RUNX1T1: variants seen among roughly 807,000 people sequenced by gnomAD.
RUNX1T1 encodes RUNX1 partner transcriptional co-repressor 1, also known as protein CBFA2T1.
RUNX1T1 carries 4 observed loss-of-function variants against 62.8 expected under a neutral mutation model. The ratio of observed to expected loss-of-function variants is 0.06; its 90% CI spans 0.03 to 0.15. RUNX1T1 has a LOEUF of 0.15. Ranked by LOEUF, RUNX1T1 falls within the 10% of genes least tolerant of loss-of-function variation. RUNX1T1 has a pLI of 1.00. For missense variants in RUNX1T1, 508 were observed against 754.3 expected (o/e 0.67, Z 3.82); for synonymous variants, 291 against 286.0 (o/e 1.02, Z -0.18).
intron 9 of RUNX1T1, among the ~76,000 whole-genome samples, chr8:91,973,039 T>C (rs1262673249): frequency 6.6e-6 from 1 of 151,988 alleles, no homozygotes; most frequent in Non-Finnish European, 1.5e-5. Flanking sequence ...TGTGTTGTTA[T>C]GTTATTATAT....
At chr8:91,960,272 G>T (rs1205018751) in exon 11 of RUNX1T1, 1 of 1,609,644 alleles carries the variant, frequency 6.2e-7, no homozygotes, top group East Asian at 2.2e-5. Context: ...TGGTGGAAGG[G>T]GTTCCCGGGG....
chr8:91,961,680 G>A (rs962663864), intron 10 of RUNX1T1, among the ~76,000 whole-genome samples: 2 of 152,166 alleles, frequency 1.3e-5, no homozygotes, highest in African/African-American at 4.8e-5. Context: ...GGTGGGGAGG[G>A]GGACCTCACA....
chr8:91,986,995 A>G (rs775329153), intron 6 of RUNX1T1, 23 bp from the exon 8 acceptor site: 49 of 1,503,034 alleles, frequency 3.3e-5, no homozygotes, highest in Non-Finnish European at 4.4e-5. Context: ...AGAAGGCTGA[A>G]TAACCCTAAA....
chr8:91,962,140 G>C (rs925184862), intron 10 of RUNX1T1, among the ~76,000 whole-genome samples: 1 of 152,154 alleles, frequency 6.6e-6, no homozygotes, highest in Admixed American at 6.5e-5. Context: ...CCCAGAGGCT[G>C]GCATGTGCTG....
chr8:92,093,724 T>C (rs2130922409), intron 1 of RUNX1T1, among the ~76,000 whole-genome samples: 1 of 152,310 alleles, frequency 6.6e-6, no homozygotes, highest in Middle Eastern at 3.4e-3. Context: ...AAAGAATGAA[T>C]GTCACTCATG....
chr8:92,000,723 C>G (rs1372936454), intron 5 of RUNX1T1, among the ~76,000 whole-genome samples: 1 of 152,166 alleles, frequency 6.6e-6, no homozygotes, highest in Non-Finnish European at 1.5e-5. Context: ...TCAGCATTTT[C>G]TAACTGACTC....
intron 5 of RUNX1T1, among the ~76,000 whole-genome samples, chr8:92,002,802 A>G (rs1235414806): frequency 6.6e-6 from 1 of 152,174 alleles, no homozygotes; most frequent in African/African-American, 2.4e-5. Flanking sequence ...CTGCTGTCAG[A>G]CAGCTCCATA....
upstream of RUNX1T1, among the ~76,000 whole-genome samples, chr8:92,067,509 A>G (rs1479778912): frequency 6.6e-6 from 1 of 152,244 alleles, no homozygotes; most frequent in Non-Finnish European, 1.5e-5. Flanking sequence ...CAATGTTAAA[A>G]TATTTTAAAT....
intron 6 of RUNX1T1, among the ~76,000 whole-genome samples, chr8:91,990,681 C>A (rs753025878): frequency 7.3e-5 from 11 of 150,736 alleles, no homozygotes; most frequent in Non-Finnish European, 1.6e-4. Context: ...TCTTGCTCTG[C>A]CACCCAGGCT....
At chr8:91,973,304 C>A (rs1013480590) in intron 9 of RUNX1T1, among the ~76,000 whole-genome samples, 11 of 150,860 alleles carry the variant, frequency 7.3e-5, no homozygotes, top group Non-Finnish European at 1.5e-4. Context: ...AATACTAAAG[C>A]AAATATGATA....
downstream of RUNX1T1, chr8:91,955,423 T>A (rs933007200): frequency 8.8e-6 from 2 of 227,834 alleles, no homozygotes; most frequent in South Asian, 3.6e-4. Flanking sequence ...AAATTAAATA[T>A]CCAACCCTAA....
downstream of RUNX1T1, chr8:91,958,749 A>G (rs1426834212): frequency 6.5e-6 from 1 of 154,398 alleles, no homozygotes; most frequent in South Asian, 2.8e-4. Context: ...AAAAAAAAAC[A>G]AAAAGCATGC....
intron 1 of RUNX1T1, among the ~76,000 whole-genome samples, chr8:92,043,405 A>G (rs1369667148): frequency 6.6e-6 from 1 of 151,864 alleles, no homozygotes; most frequent in African/African-American, 2.4e-5. Flanking sequence ...ATACTAAGGA[A>G]GGAAAAAAAA....
chr8:91,970,745 G>A (rs1467798475), exon 10 of RUNX1T1: 2 of 1,613,774 alleles, frequency 1.2e-6, no homozygotes, highest in Non-Finnish European at 1.7e-6. Context: ...GCTCCATCTT[G>A]GCCCTCTCTG....
chr8:92,081,175 G>A (rs1324350286), intron 1 of RUNX1T1: 1 of 467,848 alleles, frequency 2.1e-6, no homozygotes, highest in Non-Finnish European at 2.8e-6. Context: ...TCCAAAGTAA[G>A]ATAATAACAC....
chr8:92,029,817 A>T (rs182219380), intron 1 of RUNX1T1, among the ~76,000 whole-genome samples: 220 of 151,456 alleles, frequency 1.5e-3, no homozygotes, highest in East Asian at 9.1e-3. Context: ...CATTTTTTTT[A>T]AAAAAAGCAT....
intron 8 of RUNX1T1, among the ~76,000 whole-genome samples, chr8:91,980,981 T>C (rs1199186776): frequency 3.9e-5 from 6 of 152,104 alleles, no homozygotes; most frequent in Admixed American, 2.0e-4. Context: ...AGCAGAAAGT[T>C]CTTTTTGAGA....
intron 1 of RUNX1T1, among the ~76,000 whole-genome samples, chr8:92,084,936 G>A (rs146793099): frequency 2.3e-3 from 357 of 152,328 alleles, no homozygotes; most frequent in Middle Eastern, 0.01. Context: ...CAGCCAAAGA[G>A]AGACTACTGG....
upstream of RUNX1T1, among the ~76,000 whole-genome samples, chr8:92,064,030 A>G: frequency 6.6e-6 from 1 of 152,166 alleles, no homozygotes; most frequent in East Asian, 1.9e-4. Flanking sequence ...CCCTTGTCAG[A>G]TGGATTTCCA....
Sources: allele counts gnomAD v4.1 joint callset (sites outside exome capture counted in the v4.1 genomes callset), GRCh38; gene constraint gnomAD v4.1.1; transcripts MANE v1.5; gene names NCBI Gene and HGNC (gene_info 2026-07-23, HGNC 2026-07-21).